The following WDR97 variants were observed in gnomAD, a reference collection of about 807,000 sequenced individuals.
WDR97 encodes the protein WD repeat domain 97.
In WDR97, 111 loss-of-function variants were observed where a neutral mutation model predicts 65.4. The ratio of observed to expected loss-of-function variants is 1.70; its 90% CI spans 1.45 to 1.99. The LOEUF is 1.99. Among genes scored for constraint, WDR97 ranks in the 30% most tolerant of loss-of-function variants. The pLI is 0.00. For synonymous variants in WDR97, 802 were observed against 397.7 expected (o/e 2.02, Z -12.10); for missense variants, 1,674 against 865.0 (o/e 1.94, Z -11.73).
rs1836512366 is a variant in WDR97, at chr8:144,109,981, C to T, written c.1647C>T (p.His549=). 1 of 701,426 alleles carries T rather than the reference C, an allele frequency of 1.4e-6. No individual in the cohort carries two copies. The highest frequency in any genetic ancestry group is 2.6e-6 in the Non-Finnish European group (1 of 384,170). The allele number at this position is 701,426 out of a possible 1,614,324, so 43.5% of individuals were successfully genotyped here. ...AFSSWEIVRQ[H]WGELRCSSVA... ...CCTCCTGGGAGATCGTGCGCCAGCA[C>T]TGGGGCGAGTTGCGCTGCAGCTCTG... is the stretch of plus-strand genomic sequence containing the variant. The change falls in exon 5 of 24, where the codon CAC becomes CAT. Residue 549 remains histidine (H), a synonymous_variant. Coordinates refer to ENST00000323662, the MANE Select transcript of WDR97 (RefSeq NM_001316309.2).
At position 144,108,069 on chromosome 8, in the gene WDR97, C is replaced by G. The variant is rs1474156566; in HGVS notation, c.123C>G (p.Phe41Leu). 11 of 702,662 alleles carry G rather than the reference C, an allele frequency of 1.6e-5. No homozygotes were observed. In the East Asian group the frequency reaches 2.7e-4, roughly 17 times the overall value. The allele number at this position is 702,662 out of a possible 1,614,324, so 43.5% of individuals were successfully genotyped here. A position where few individuals can be genotyped will look rare whatever the true frequency, so the allele number is the denominator to read the frequency against. ...AGTTCCTGCCCGCAGAGTTGACTTTCACGGAGCCGTCGCAGGTCCTGCCCT... is the reference window on the plus strand; with the variant it reads ...AGTTCCTGCCCGCAGAGTTGACTTTGACGGAGCCGTCGCAGGTCCTGCCCT... Reference protein sequence around the residue: ...GLLTEKNELTFTEPSQVLPFL... With the variant: ...GLLTEKNELTLTEPSQVLPFL... The change falls in exon 2 of 24, where the codon TTC becomes TTG. Residue 41 changes from phenylalanine to leucine, a missense_variant. Phe to Leu is a conservative substitution (Grantham distance 22, BLOSUM62 0). Coordinates refer to ENST00000323662, the MANE Select transcript of WDR97 (RefSeq NM_001316309.2).
At position 144,117,190 on chromosome 8, in the gene WDR97, C is replaced by T. The variant is rs1479911214; in HGVS notation, c.*897C>T. 3.3e-5 allele frequency: 5 copies of T among 152,260 alleles called. No individual in the cohort carries two copies. The highest frequency in any genetic ancestry group is 1.2e-4 in the African/African-American group (5 of 41,448). 9.4% of individuals were successfully genotyped at this position (152,260 alleles called of 1,614,324 possible). Reference sequence around the variant, plus strand: ...CCGGTGCTTGACACAGTGGTGCCACCATCCCAAGAGCATGGGTGCGCAGGA... The same window carrying T: ...CCGGTGCTTGACACAGTGGTGCCACTATCCCAAGAGCATGGGTGCGCAGGA... On this transcript the variant is annotated 3_prime_UTR_variant, in exon 24 of 24. Coordinates refer to ENST00000323662, the MANE Select transcript of WDR97 (RefSeq NM_001316309.2).
chr8:144,107,918 G>A (rs1045730292), intron 1 of WDR97, 56 bp downstream of exon 1: 2 of 702,604 alleles, frequency 2.8e-6, no homozygotes, highest in African/African-American at 1.7e-5. Context: ...GGTCTCATTC[G>A]GGCTTGGGTT....
At chr8:144,114,211 CA>C (rs1564322977) in intron 18 of WDR97, 49 bp downstream of exon 18, 1 of 695,930 alleles carries the variant, frequency 1.4e-6, no homozygotes, top group Non-Finnish European at 2.6e-6. Context: ...GGGTGAGGGA[CA>C]GGGGAGAAGG....
chr8:144,109,582 G>A lies in WDR97; in HGVS notation c.1248G>A (p.Ser416=). 1 of 692,022 alleles carries A rather than the reference G, an allele frequency of 1.4e-6. No individual in the cohort carries two copies. The highest frequency in any genetic ancestry group is 1.8e-5 in the African/African-American group (1 of 55,894). 42.9% of individuals were successfully genotyped at this position (692,022 alleles called of 1,614,324 possible). Reference sequence around the variant, plus strand: ...TGTGGCGCGTACGCGAGCTCTACTCGCCGTTGGCGCAACTGCCCGCCAAGG... The same window carrying A: ...TGTGGCGCGTACGCGAGCTCTACTCACCGTTGGCGCAACTGCCCGCCAAGG... The part of the protein sequence containing the change: ...MQLWRVRELY[S]PLAQLPAKVL... The change falls in exon 5 of 24, where the codon TCG becomes TCA. Residue 416 remains serine (S), a synonymous_variant. Coordinates refer to ENST00000323662, the MANE Select transcript of WDR97 (RefSeq NM_001316309.2).
rs765424831 is a variant in WDR97 at position 144,115,808 on chromosome 8, C to A, written c.4545C>A (p.Tyr1515Ter). 2.9e-6 allele frequency: 2 copies of A among 689,968 alleles called. No homozygotes were observed. The highest frequency in any genetic ancestry group is 3.0e-5 in the South Asian group (2 of 66,318). 42.7% of individuals were successfully genotyped at this position (689,968 alleles called of 1,614,324 possible). A position where few individuals can be genotyped will look rare whatever the true frequency, so the allele number is the denominator to read the frequency against. Reference sequence around the variant, plus strand: ...CGCACCCACACCCGCCAGAGCCCTACACGGTGGCGCCGGTGCCCGACATGG... The same window carrying A: ...CGCACCCACACCCGCCAGAGCCCTAAACGGTGGCGCCGGTGCCCGACATGG... The part of the protein sequence containing the change: ...KAAHPHPPEP[Y>*]TVAPVPDMVV... Residue 1515 changes from tyrosine (Y) to a stop codon, truncating the protein, a stop_gained, in exon 22 of 24, where the codon TAC (tyrosine) becomes TAA (stop). Transcript: ENST00000323662. LOFTEE classifies it high-confidence loss of function.
chr8:144,107,778 G>A lies in WDR97; in HGVS notation c.28G>A (p.Gly10Ser), dbSNP rs1836446981. 2 of 702,760 alleles carry A rather than the reference G, an allele frequency of 2.8e-6. No homozygotes were observed. The highest frequency in any genetic ancestry group is 1.7e-5 in the African/African-American group (1 of 57,280). 43.5% of individuals were successfully genotyped at this position (702,760 alleles called of 1,614,324 possible). A position where few individuals can be genotyped will look rare whatever the true frequency, so the allele number is the denominator to read the frequency against. MEAEVWEAE[G>S]YNLVLDSDLY... ...GGAGGCAGAGGTGTGGGAGGCAGAA[G>A]GCTACAACCTAGTTCTGGACTCGGA... The change falls in exon 1 of 24, where the codon GGC (glycine) becomes AGC (serine). Residue 10 changes from glycine (G) to serine (S), a missense_variant. Transcript: ENST00000323662.
At position 144,108,856 on chromosome 8, in the gene WDR97, C is replaced by T. The variant is rs760047160; in HGVS notation, c.790C>T (p.Arg264Cys). 1 of 702,950 alleles carries T rather than the reference C, an allele frequency of 1.4e-6. No homozygotes were observed. Among genetic ancestry groups the T allele is most frequent in the South Asian group, 1.5e-5 (1 of 67,610 alleles). 43.5% of individuals were successfully genotyped at this position (702,950 alleles called of 1,614,324 possible). Residue 264 changes from arginine (R) to cysteine (C), a missense_variant, in exon 3 of 24, where the codon CGC becomes TGC. Coordinates refer to ENST00000323662, the MANE Select transcript of WDR97 (RefSeq NM_001316309.2). ...GCCGGTTCCTCCCCACCACGTCCTG[C>T]GCTGCTTCGCGGCCTATGGCTCGGC... ...VAPVPPHHVL[R>C]CFAAYGSAVL...
chr8:144,111,995 C>A lies in WDR97; in HGVS notation c.2746C>A (p.Arg916=), dbSNP rs566971224. Residue 916 remains arginine (R), a synonymous_variant, in exon 13 of 24, where the codon CGG becomes AGG. Coordinates refer to ENST00000323662, the MANE Select transcript of WDR97 (RefSeq NM_001316309.2). The part of the protein sequence containing the change: ...AVPQAAHCLA[R]AEVSTAAQTV... ...ACCCCAAGCTGCCCACTGTCTTGCC[C>A]GGGCTGAGGTCAGCACTGCAGCCCA... The A allele has an allele frequency of 2.8e-6, 2 of 702,626 alleles. No homozygotes were observed. The highest frequency in any genetic ancestry group is 3.5e-5 in the African/African-American group (2 of 57,340). 43.5% of individuals were successfully genotyped at this position (702,626 alleles called of 1,614,324 possible). A position where few individuals can be genotyped will look rare whatever the true frequency, so the allele number is the denominator to read the frequency against.
At chr8:144,114,971 C>A (rs989501368) in intron 21 of WDR97, 60 bp downstream of exon 21, 8 of 634,818 alleles carry the variant, frequency 1.3e-5, no homozygotes, top group Non-Finnish European at 2.3e-5. Flanking sequence ...TGGCTTTCTG[C>A]AAGTCCTGGG....
At position 144,113,853 on chromosome 8, in the gene WDR97, A is replaced by T; in HGVS notation, c.3380A>T (p.Gln1127Leu). The T allele has an allele frequency of 1.4e-6, 1 of 697,324 alleles. No homozygotes were observed. The allele number at this position is 697,324 out of a possible 1,614,324, so 43.2% of individuals were successfully genotyped here. A position where few individuals can be genotyped will look rare whatever the true frequency, so the allele number is the denominator to read the frequency against. ...LASLSPHSNQQLDSWELEDQS... is the reference protein window; with the variant it reads ...LASLSPHSNQLLDSWELEDQS... The stretch of plus-strand genomic sequence containing the variant: ...TCCCTGAGCCCGCACTCCAACCAGC[A>T]GCTGGATTCCTGGGAACTGGAGGAT... Residue 1127 changes from glutamine to leucine, a missense_variant, in exon 17 of 24, where the codon CAG (glutamine) becomes CTG (leucine). Coordinates refer to ENST00000323662, the MANE Select transcript of WDR97 (RefSeq NM_001316309.2).
Position 144,113,755 on chromosome 8 carries a change from G to A in WDR97, c.3282G>A (p.Gly1094=). The change falls in exon 17 of 24, where the codon GGG becomes GGA. Residue 1094 remains glycine (G), a synonymous_variant. Transcript: ENST00000323662. ...TCCAATGGATGGGGGAGAAGCCTGG[G>A]GAGGAGGGGGAGGAAGACAAGAAGG... ...KLLQWMGEKP[G]EEGEEDKKEE... is the part of the protein sequence containing the mutation. 1 of 702,160 alleles carries A rather than the reference G, an allele frequency of 1.4e-6. No individual in the cohort carries two copies. Among genetic ancestry groups the A allele is most frequent in the East Asian group, 2.7e-5 (1 of 37,276 alleles). The allele number at this position is 702,160 out of a possible 1,614,324, so 43.5% of individuals were successfully genotyped here. A position where few individuals can be genotyped will look rare whatever the true frequency, so the allele number is the denominator to read the frequency against.
Position 144,112,537 on chromosome 8 carries a change from C to A in WDR97, c.3105+7C>A, listed in dbSNP as rs1836572569. ...CACCGTGCAGCCCCACAAGGTGAGACCCCCTCCCAGCTCCTGGAGAGCCAC... is the reference window on the plus strand; with the variant it reads ...CACCGTGCAGCCCCACAAGGTGAGAACCCCTCCCAGCTCCTGGAGAGCCAC... On this transcript the variant is annotated splice_region_variant and intron_variant, in intron 15 of 23. Coordinates refer to ENST00000323662, the MANE Select transcript of WDR97 (RefSeq NM_001316309.2). 1 of 702,640 alleles carries A rather than the reference C, an allele frequency of 1.4e-6. No homozygotes were observed. The highest frequency in any genetic ancestry group is 2.6e-6 in the Non-Finnish European group (1 of 384,900). The allele number at this position is 702,640 out of a possible 1,614,324, so 43.5% of individuals were successfully genotyped here.
chr8:144,108,677 C>G lies in WDR97; in HGVS notation c.611C>G (p.Pro204Arg), dbSNP rs1836468940. Reference sequence around the variant, plus strand: ...GGTTGGGCGCCCACCTGCTGCCTGCCGGTTCCCGACCTCAGGCTGCTGCTC... The same window carrying G: ...GGTTGGGCGCCCACCTGCTGCCTGCGGGTTCCCGACCTCAGGCTGCTGCTC... ...APGWAPTCCL[P>R]VPDLRLLLVA... Residue 204 changes from proline (P) to arginine (R), a missense_variant, in exon 3 of 24, where the codon CCG (proline) becomes CGG (arginine). Coordinates refer to ENST00000323662, the MANE Select transcript of WDR97 (RefSeq NM_001316309.2). 2.9e-6 allele frequency: 2 copies of G among 700,740 alleles called. No homozygotes were observed. The highest frequency in any genetic ancestry group is 2.0e-5 in the Admixed American group (1 of 49,992). The allele number at this position is 700,740 out of a possible 1,614,324, so 43.4% of individuals were successfully genotyped here.
Position 144,110,914 on chromosome 8 carries a change from G to A in WDR97, c.2222G>A (p.Ser741Asn). The A allele has an allele frequency of 1.4e-6, 1 of 702,880 alleles. No individual in the cohort carries two copies. 43.5% of individuals were successfully genotyped at this position (702,880 alleles called of 1,614,324 possible). A position where few individuals can be genotyped will look rare whatever the true frequency, so the allele number is the denominator to read the frequency against. Reference protein sequence around the residue: ...APQALAFCSNSGDLVLALGSR... With the variant: ...APQALAFCSNNGDLVLALGSR... ...CAGGCCCTGGCTTTCTGCAGCAACA[G>A]TGGAGACCTGGTGCTGGCGCTGGGA... Residue 741 changes from serine (S) to asparagine (N), a missense_variant, in exon 9 of 24, where the codon AGT (serine) becomes AAT (asparagine). By Grantham distance (46) the Ser-to-Asn change is conservative. Transcript: ENST00000323662.
At position 144,115,728 on chromosome 8, in the gene WDR97, T is replaced by A. The variant is rs145478767; in HGVS notation, c.4465T>A (p.Phe1489Ile). ...LDLGPIDALN[F>I]FCEQLRAQQR... Reference sequence around the variant, plus strand: ...CTTGGGCCCCATCGACGCGCTCAACTTCTTCTGTGAGCAGCTGCGGGCGCA... The same window carrying A: ...CTTGGGCCCCATCGACGCGCTCAACATCTTCTGTGAGCAGCTGCGGGCGCA... Residue 1489 changes from phenylalanine (F) to isoleucine (I), a missense_variant, in exon 22 of 24, where the codon TTC (phenylalanine) becomes ATC (isoleucine). Physicochemically the swap from Phe to Ile is conservative, Grantham distance 21. Transcript: ENST00000323662. 177 of 701,284 alleles carry A rather than the reference T, an allele frequency of 2.5e-4. No individual in the cohort carries two copies. In the African/African-American group the frequency reaches 2.9e-3, roughly 11 times the overall value. The allele number at this position is 701,284 out of a possible 1,614,324, so 43.4% of individuals were successfully genotyped here. A position where few individuals can be genotyped will look rare whatever the true frequency, so the allele number is the denominator to read the frequency against.
At chr8:144,112,709 T>C (rs1836575293) in intron 15 of WDR97, 179 bp downstream of exon 15, 4 of 618,042 alleles carry the variant, frequency 6.5e-6, no homozygotes, top group Non-Finnish European at 1.2e-5. Flanking sequence ...CCCTTCACCC[T>C]CTGTCTAGCC....
Position 144,116,188 on chromosome 8 carries a change from C to G in WDR97, c.4764C>G (p.Pro1588=). Residue 1588 remains proline, a synonymous_variant, in exon 24 of 24, where the codon CCC becomes CCG. Transcript: ENST00000323662. ...PLPRVEPQPF[P]LDWPMPPRPL... is the part of the protein sequence containing the mutation. Reference sequence around the variant, plus strand: ...CGCGTGTGGAGCCGCAGCCTTTCCCCCTGGACTGGCCTATGCCCCCGCGCC... The same window carrying G: ...CGCGTGTGGAGCCGCAGCCTTTCCCGCTGGACTGGCCTATGCCCCCGCGCC... 1 of 699,736 alleles carries G rather than the reference C, an allele frequency of 1.4e-6. No individual in the cohort carries two copies. Among genetic ancestry groups the G allele is most frequent in the East Asian group, 2.7e-5 (1 of 37,220 alleles). The allele number at this position is 699,736 out of a possible 1,614,324, so 43.3% of individuals were successfully genotyped here.
chr8:144,111,287 C>T lies in WDR97; in HGVS notation c.2426+65C>T, dbSNP rs573527592. 680 of 702,670 alleles carry T rather than the reference C, an allele frequency of 9.7e-4. 4 individuals are homozygous for T. In the African/African-American group the frequency reaches 9.8e-3, roughly 10 times the overall value. The allele number at this position is 702,670 out of a possible 1,614,324, so 43.5% of individuals were successfully genotyped here. ...TTTCCCACTCTGGGTGGGGGCCTGG[C>T]GGTGTGGGGCCCTCTGGAGTTGATA... On this transcript the variant is annotated intron_variant, in intron 10 of 23. Transcript: ENST00000323662.
Sources: gnomAD v4.1 joint callset for allele counts on GRCh38, gnomAD v4.1.1 for gene constraint, MANE v1.5 for transcripts, NCBI Gene and HGNC (gene_info 2026-07-23, HGNC 2026-07-21) for gene names.